Variants in PCDHGB1 observed in about 807,000 individuals in gnomAD.
PCDHGB1 encodes the protein protocadherin gamma subfamily B, 1, also known as protocadherin gamma-B1.
A neutral mutation model predicts 56.6 loss-of-function variants in PCDHGB1; 34 were observed. The observed-to-expected ratio is 0.60, with a 90% CI of 0.46 to 0.80. The LOEUF is 0.80. PCDHGB1 is among the 30% of genes least tolerant of loss of function. PCDHGB1 has a pLI of 0.00. For synonymous variants in PCDHGB1, 561 were observed against 505.9 expected, an observed-to-expected ratio of 1.11 and a Z score of -1.46; for missense variants, 1,278 against 1,204.6, an observed-to-expected ratio of 1.06 and a Z score of -0.90.
chr5:141,362,106 G>C (rs73265834), intron 1 of PCDHGB1: 130,724 of 1,570,082 alleles, frequency 0.083, 8,914 homozygotes, highest in African/African-American at 0.28. Flanking sequence ...TCTCCGCTAC[G>C]GCCACGCTGC....
chr5:141,497,812 T>C (rs947015544), intron 2 of PCDHGB1, among the ~76,000 whole-genome samples: 2 of 152,202 alleles, frequency 1.3e-5, no homozygotes, highest in African/African-American at 4.8e-5. Flanking sequence ...AGTGCTAGAA[T>C]TACAGGTGTG....
In PCDHGB1 at chr5:141,350,137, G is replaced by T. The variant is rs1758414298; in HGVS notation, c.-124G>T. 1.3e-5 allele frequency: 10 copies of T among 769,996 alleles called. 1 individual carries two copies. In the South Asian group the frequency reaches 3.3e-4, roughly 26 times the overall value. 47.7% of individuals were successfully genotyped at this position (769,996 alleles called of 1,614,324 possible). A position where few individuals can be genotyped will look rare whatever the true frequency, so the allele number is the denominator to read the frequency against. ...GTCCGGTGCACTGAGCACAGACGCT[G>T]CTCCTGTTCACCCTCGAGCGCCTAA... On this transcript the variant is annotated 5_prime_UTR_variant, in exon 1 of 4. Coordinates refer to ENST00000523390, the MANE Select transcript of PCDHGB1 (RefSeq NM_018922.3).
chr5:141,420,974 T>C, intron 1 of PCDHGB1: 1 of 460,696 alleles, frequency 2.2e-6, no homozygotes, highest in Non-Finnish European at 3.8e-6. Flanking sequence ...ATAATAAGAA[T>C]GGGCTCTAGG....
In PCDHGB1 at chr5:141,352,340, T is replaced by C. The variant is rs763704470; in HGVS notation, c.2080T>C (p.Leu694=). 1.3e-5 allele frequency: 21 copies of C among 1,613,958 alleles called. No homozygotes were observed. Among genetic ancestry groups the C allele is most frequent in the Non-Finnish European group, 1.7e-5 (20 of 1,179,914 alleles). The part of the protein sequence containing the change: ...LQFYLVVALA[L]ISVLFLLAVI... ...GTTTTACCTGGTTGTGGCCTTGGCCTTGATCTCAGTGCTCTTTCTCCTCGC... is the reference window on the plus strand; with the variant it reads ...GTTTTACCTGGTTGTGGCCTTGGCCCTGATCTCAGTGCTCTTTCTCCTCGC... Residue 694 remains leucine, a synonymous_variant, in exon 1 of 4, where the codon TTG becomes CTG. Coordinates refer to ENST00000523390, the MANE Select transcript of PCDHGB1 (RefSeq NM_018922.3).
chr5:141,487,001 C>T lies in PCDHGB1; in HGVS notation c.2410-7806C>T. ...TTACAATGCTTGGGTTTCCTATCAG[C>T]TCCTGGAGGCCCCAGATCCCAGCCT... On this transcript the variant is annotated intron_variant, in intron 1 of 3. Transcript: ENST00000523390. This position sits in a 1 kb window ranked among gnomAD's most constrained non-coding sequence, Gnocchi z 5.0. 6.2e-7 allele frequency: 1 copy of T among 1,614,218 alleles called. No individual in the cohort carries two copies. The highest frequency in any genetic ancestry group is 8.5e-7 in the Non-Finnish European group (1 of 1,180,038).
chr5:141,372,277 C>T (rs753032334), intron 1 of PCDHGB1: 2 of 1,613,112 alleles, frequency 1.2e-6, no homozygotes, highest in Non-Finnish European at 1.7e-6. Context: ...GAGGTGCGCA[C>T]GGCGCGTACC....
chr5:141,465,800 C>T (rs1486100601), intron 1 of PCDHGB1, among the ~76,000 whole-genome samples: 1 of 151,524 alleles, frequency 6.6e-6, no homozygotes, highest in African/African-American at 2.4e-5. Flanking sequence ...TTTAAGAAAC[C>T]CTTCAGGATC....
intron 1 of PCDHGB1, chr5:141,361,939 G>A: frequency 1.2e-6 from 2 of 1,605,654 alleles, no homozygotes; most frequent in African/African-American, 2.7e-5. Flanking sequence ...AGGACACAAC[G>A]CTTGGCTGTC....
At chr5:141,423,499 G>T (rs1590485367) in intron 1 of PCDHGB1, 1 of 1,613,966 alleles carries the variant, frequency 6.2e-7, no homozygotes, top group Non-Finnish European at 8.5e-7. Context: ...TTCCCACGAG[G>T]TCTCTCTCAT....
chr5:141,427,046 C>G (rs916723344), intron 1 of PCDHGB1: 2 of 457,362 alleles, frequency 4.4e-6, no homozygotes, highest in Admixed American at 4.7e-5. Context: ...AGAATGTGCC[C>G]CCAGGCACCT....
intron 1 of PCDHGB1, chr5:141,415,113 C>G: frequency 1.2e-6 from 2 of 1,613,642 alleles, no homozygotes; most frequent in Non-Finnish European, 1.7e-6. Context: ...AGCAAAGCCT[C>G]GTAGTGGCCG....
intron 1 of PCDHGB1, among the ~76,000 whole-genome samples, chr5:141,430,358 C>T (rs2097275535): frequency 6.7e-6 from 1 of 149,028 alleles, no homozygotes; most frequent in South Asian, 2.1e-4. Flanking sequence ...TTTAAAAGCT[C>T]ATTGGGGAAA....
At chr5:141,435,421 C>T (rs1384040447) in intron 1 of PCDHGB1, among the ~76,000 whole-genome samples, 2 of 152,096 alleles carry the variant, frequency 1.3e-5, no homozygotes, top group Non-Finnish European at 2.9e-5. Context: ...CTATTTTTCA[C>T]TTCTGTTATG....
chr5:141,444,082 A>G (rs942113441), intron 1 of PCDHGB1, among the ~76,000 whole-genome samples: 2 of 151,044 alleles, frequency 1.3e-5, no homozygotes, highest in African/African-American at 2.4e-5. Flanking sequence ...TCACCTGAAA[A>G]GTCTGCTAAG....
intron 1 of PCDHGB1, among the ~76,000 whole-genome samples, chr5:141,479,878 A>G (rs1033313584): frequency 2.0e-5 from 3 of 152,170 alleles, no homozygotes; most frequent in African/African-American, 7.2e-5. Context: ...AGAACCCTAT[A>G]CATACTCTCA....
At position 141,511,345 on chromosome 5, in the gene PCDHGB1, T is replaced by A; in HGVS notation, c.*172T>A. The A allele has an allele frequency of 7.8e-6, 11 of 1,410,508 alleles. No individual in the cohort carries two copies. The highest frequency in any genetic ancestry group is 1.0e-5 in the Non-Finnish European group (11 of 1,060,682). 87.4% of individuals were successfully genotyped at this position (1,410,508 alleles called of 1,614,324 possible). ...AAGTGCCCAGTCAGCACCTACCCCT[T>A]CCCCCCCAGGGGGTTGAATATGCAA... On this transcript the variant is annotated 3_prime_UTR_variant, in exon 4 of 4. Transcript: ENST00000523390.
intron 1 of PCDHGB1, among the ~76,000 whole-genome samples, chr5:141,456,625 C>T (rs544550965): frequency 4.6e-5 from 7 of 152,288 alleles, no homozygotes; most frequent in African/African-American, 1.4e-4. Flanking sequence ...AGATTTGCCT[C>T]TTCTTTACTA....
Position 141,431,046 on chromosome 5 carries a change from G to A in PCDHGB1, c.2410-63761G>A, listed in dbSNP as rs1324139757. 7 of 1,614,240 alleles carry A rather than the reference G, an allele frequency of 4.3e-6. 1 individual carries two copies. The Admixed American group carries it at 1.0e-4, about 23-fold the overall frequency. ...GGCAGGATAGACCGGGAGGAGCTCTGTATGGGGGCCATCAAGTGTCAATTA... is the reference window on the plus strand; with the variant it reads ...GGCAGGATAGACCGGGAGGAGCTCTATATGGGGGCCATCAAGTGTCAATTA... On this transcript the variant is annotated intron_variant, in intron 1 of 3. Transcript: ENST00000523390. The surrounding 1 kb of genome is among the most constrained non-coding windows in gnomAD (Gnocchi z 4.8).
chr5:141,410,518 C>T (rs753664223), intron 1 of PCDHGB1: 1 of 1,613,820 alleles, frequency 6.2e-7, no homozygotes, highest in Non-Finnish European at 8.5e-7. Flanking sequence ...GCAGTGTGCC[C>T]CTACATTCCA....
Sources: allele counts gnomAD v4.1 joint callset (sites outside exome capture counted in the v4.1 genomes callset), GRCh38; gene constraint gnomAD v4.1.1; non-coding constraint Gnocchi (gnomAD v3.1); transcripts MANE v1.5; gene names NCBI Gene and HGNC (gene_info 2026-07-23, HGNC 2026-07-21).